The following PUDP variants were observed in gnomAD, a reference collection of about 807,000 sequenced individuals.
PUDP encodes pseudouridine 5'-phosphatase, also known as pseudouridine-5'-phosphatase.
In PUDP, 8 loss-of-function variants were observed where a neutral mutation model predicts 9.4. The ratio of observed to expected loss-of-function variants is 0.85; its 90% CI spans 0.50 to 1.53. PUDP has a LOEUF of 1.53. Ranked by LOEUF, PUDP falls within the 40% of genes most tolerant of loss-of-function variation. PUDP has a pLI of 0.00. For missense variants in PUDP, 188 were observed against 189.7 expected, an observed-to-expected ratio of 0.99 and a Z score of 0.05; for synonymous variants, 99 against 80.7, an observed-to-expected ratio of 1.23 and a Z score of -1.22.
At chrX:7,031,912 A>G (rs1371108514) in intron 1 of PUDP, among the ~76,000 whole-genome samples, 1 of 112,419 alleles carries the variant, frequency 8.9e-6, no homozygotes, top group African/African-American at 3.2e-5. Context: ...TTAAAAAATC[A>G]TAAATTGTGC....
At chrX:6,712,521 G>A (rs1319356648) in intron 1 of PUDP, among the ~76,000 whole-genome samples, 1 of 111,905 alleles carries the variant, frequency 8.9e-6, no homozygotes, top group Non-Finnish European at 1.9e-5. Flanking sequence ...GCTTAAAGTC[G>A]GGCAATGATA....
chrX:7,138,388 T>C (rs1932769499), intron 1 of PUDP, among the ~76,000 whole-genome samples: 1 of 109,727 alleles, frequency 9.1e-6, no homozygotes, highest in East Asian at 2.9e-4. Context: ...TTTTTTTTTT[T>C]TTGAGACAGA....
intron 3 of PUDP, among the ~76,000 whole-genome samples, chrX:6,962,144 T>C (rs985962924): frequency 8.9e-6 from 1 of 112,007 alleles, no homozygotes; most frequent in African/African-American, 3.2e-5. Context: ...TCATTCCCTG[T>C]GCTATGTAAG....
intron 3 of PUDP, among the ~76,000 whole-genome samples, chrX:6,922,815 C>T (rs1052094516): frequency 3.6e-5 from 4 of 112,280 alleles, no homozygotes; most frequent in Non-Finnish European, 7.5e-5. Context: ...TGGATCCATT[C>T]CAAACAGCAA....
intron 3 of PUDP, among the ~76,000 whole-genome samples, chrX:6,878,407 C>T (rs1184970867): frequency 2.7e-5 from 3 of 109,225 alleles, no homozygotes; most frequent in African/African-American, 1.0e-4. Flanking sequence ...CAATCTGTCG[C>T]CCAGGCTGAG....
chrX:6,981,334 G>C (rs939981585), intron 1 of PUDP, among the ~76,000 whole-genome samples: 1 of 111,393 alleles, frequency 9.0e-6, no homozygotes, highest in African/African-American at 3.3e-5. Context: ...GATTTAAAAA[G>C]GTTAGGAAGA....
intron 3 of PUDP, among the ~76,000 whole-genome samples, chrX:6,773,432 A>T (rs1429703192): frequency 1.8e-5 from 2 of 111,815 alleles, no homozygotes; most frequent in African/African-American, 6.5e-5. Context: ...GGCCCAGAAG[A>T]TCCTGGAGCT....
At chrX:6,716,458 CTG>C (rs1249838522) in intron 1 of PUDP, among the ~76,000 whole-genome samples, 1 of 111,490 alleles carries the variant, frequency 9.0e-6, no homozygotes, top group African/African-American at 3.3e-5. Context: ...CTATCCAACT[CTG>C]TAATTAGACA....
At chrX:7,098,860 G>GCCAAGAGATGCAGGGGAGAGCCA (rs1931648094) in intron 2 of PUDP, among the ~76,000 whole-genome samples, 1 of 60,391 alleles carries the variant, frequency 1.7e-5, no homozygotes, top group African/African-American at 6.7e-5. Flanking sequence ...GGGGAGAGCC[G>GCCAAGAGATGCAGGGGAGAGCCA]GCCAAGAGAT....
chrX:7,060,606 C>T (rs1052050877), intron 3 of PUDP, among the ~76,000 whole-genome samples: 1 of 112,056 alleles, frequency 8.9e-6, no homozygotes, highest in Non-Finnish European at 1.9e-5. Flanking sequence ...CAGAGCAAAT[C>T]GATGAAGGTC....
intron 3 of PUDP, among the ~76,000 whole-genome samples, chrX:6,919,330 C>T (rs1927982450): frequency 9.0e-6 from 1 of 111,469 alleles, no homozygotes; most frequent in Non-Finnish European, 1.9e-5. Flanking sequence ...TTAAGAAAAA[C>T]ATAAATAAAT....
intron 1 of PUDP, among the ~76,000 whole-genome samples, chrX:7,137,741 C>T (rs1182864949): frequency 8.9e-6 from 1 of 112,215 alleles, no homozygotes; most frequent in Non-Finnish European, 1.9e-5. Context: ...AACCCATACA[C>T]GTGAAACCTA....
intron 3 of PUDP, among the ~76,000 whole-genome samples, chrX:6,857,757 GA>G (rs1926929014): frequency 8.9e-6 from 1 of 111,750 alleles, no homozygotes; most frequent in South Asian, 3.8e-4. Flanking sequence ...ATTTAAAAAT[GA>G]GATGTAAATA....
chrX:6,997,996 TAGA>T (rs1929273480), intron 1 of PUDP, among the ~76,000 whole-genome samples: 1 of 112,052 alleles, frequency 8.9e-6, no homozygotes, highest in African/African-American at 3.2e-5. Context: ...TGTAGTAGAC[TAGA>T]AGGATTGTAT....
At chrX:7,109,797 C>T (rs1931987535) in intron 1 of PUDP, among the ~76,000 whole-genome samples, 1 of 112,856 alleles carries the variant, frequency 8.9e-6, no homozygotes, top group South Asian at 3.6e-4. Context: ...GCATAAAACA[C>T]TTGCACTAGG....
intron 3 of PUDP, among the ~76,000 whole-genome samples, chrX:6,907,901 A>G (rs953762870): frequency 8.9e-6 from 1 of 112,396 alleles, no homozygotes; most frequent in Non-Finnish European, 1.9e-5. Flanking sequence ...TGAGCTGCCA[A>G]TATCTCACTT....
At chrX:7,034,664 A>T (rs933209377) in intron 1 of PUDP, among the ~76,000 whole-genome samples, 1 of 111,865 alleles carries the variant, frequency 8.9e-6, no homozygotes, top group African/African-American at 3.3e-5. Context: ...TCCATCTATG[A>T]TCTATCTATT....
intron 3 of PUDP, among the ~76,000 whole-genome samples, chrX:6,932,447 T>A (rs1303788914): frequency 8.9e-6 from 1 of 111,895 alleles, no homozygotes; most frequent in Non-Finnish European, 1.9e-5. Flanking sequence ...AACCCCCATG[T>A]CTTCATCCTT....
intron 3 of PUDP, among the ~76,000 whole-genome samples, chrX:6,741,852 T>C (rs202215216): frequency 2.9e-5 from 3 of 104,650 alleles, no homozygotes; most frequent in African/African-American, 1.1e-4. Flanking sequence ...CTTTCTTTCT[T>C]TTTCTTTCTT....
Sources: gnomAD v4.1 joint callset for allele counts (sites outside exome capture counted in the v4.1 genomes callset) on GRCh38, gnomAD v4.1.1 for gene constraint, MANE v1.5 for transcripts, NCBI Gene and HGNC (gene_info 2026-07-23, HGNC 2026-07-21) for gene names.